Variants in ARK2C observed in about 807,000 individuals in gnomAD.
The protein encoded by ARK2C is E3 ubiquitin-protein ligase ARK2C.
chr18:46,345,831 C>T, the ARK2C span, among the ~76,000 whole-genome samples: 1 of 152,204 alleles, frequency 6.6e-6, no homozygotes, highest in African/African-American at 2.4e-5. Flanking sequence ...TGGCTATACA[C>T]TCCTCTGGCA....
At chr18:46,396,756 T>C in the ARK2C span, among the ~76,000 whole-genome samples, 1 of 152,284 alleles carries the variant, frequency 6.6e-6, no homozygotes, top group African/African-American at 2.4e-5. Context: ...GCAGCCTTCA[T>C]GGTGCTGGCC....
chr18:46,369,333 G>C, the ARK2C span, among the ~76,000 whole-genome samples: 149 of 151,962 alleles, frequency 9.8e-4, no homozygotes, highest in African/African-American at 3.5e-3. Flanking sequence ...GAAGCAGGGG[G>C]ATAAGGCTGA....
At chr18:46,340,456 G>A in the ARK2C span, among the ~76,000 whole-genome samples, 2 of 152,106 alleles carry the variant, frequency 1.3e-5, no homozygotes, top group African/African-American at 4.8e-5. Context: ...TGCGCTAAGG[G>A]GGATACAGAA....
the ARK2C span, among the ~76,000 whole-genome samples, chr18:46,352,714 C>A: frequency 6.6e-6 from 1 of 152,176 alleles, no homozygotes; most frequent in Non-Finnish European, 1.5e-5. Flanking sequence ...AAGCCACCCC[C>A]ACTCACACCC....
the ARK2C span, among the ~76,000 whole-genome samples, chr18:46,353,534 C>T: frequency 4.6e-5 from 7 of 152,208 alleles, no homozygotes; most frequent in Non-Finnish European, 8.8e-5. Context: ...GCTCCCCGTC[C>T]GCTACCCCAC....
the ARK2C span, chr18:46,336,474 G>T: frequency 1.0e-6 from 1 of 985,434 alleles, no homozygotes; most frequent in Non-Finnish European, 1.2e-6. Flanking sequence ...GGGCTGAGGG[G>T]TGAGTTGGTC....
the ARK2C span, chr18:46,455,947 G>A: frequency 1.4e-6 from 2 of 1,479,630 alleles, no homozygotes; most frequent in Admixed American, 1.7e-5. Flanking sequence ...CCCAGGTAAT[G>A]AATACTACTC....
At chr18:46,429,318 T>C in the ARK2C span, among the ~76,000 whole-genome samples, 1 of 152,226 alleles carries the variant, frequency 6.6e-6, no homozygotes, top group Non-Finnish European at 1.5e-5. Context: ...TAAGACACAT[T>C]GAGCCAAGCA....
At chr18:46,362,354 C>T in the ARK2C span, among the ~76,000 whole-genome samples, 4 of 152,184 alleles carry the variant, frequency 2.6e-5, no homozygotes, top group Non-Finnish European at 5.9e-5. Context: ...TGTTTCAGGA[C>T]ACCCCTAAAA....
chr18:46,374,797 C>A, the ARK2C span, among the ~76,000 whole-genome samples: 2 of 152,200 alleles, frequency 1.3e-5, no homozygotes, highest in Admixed American at 6.5e-5. Context: ...ACACCCCAAG[C>A]CTGGCATTCC....
the ARK2C span, among the ~76,000 whole-genome samples, chr18:46,361,403 A>G: frequency 1.3e-5 from 2 of 152,188 alleles, no homozygotes; most frequent in Non-Finnish European, 2.9e-5. Flanking sequence ...GATCTGCTGT[A>G]CATATGCAGC....
the ARK2C span, among the ~76,000 whole-genome samples, chr18:46,346,142 G>A: frequency 6.6e-6 from 1 of 152,156 alleles, no homozygotes; most frequent in Non-Finnish European, 1.5e-5. Flanking sequence ...AGAAGGGATG[G>A]CATTTCAACA....
At chr18:46,410,217 T>G in the ARK2C span, among the ~76,000 whole-genome samples, 1 of 152,238 alleles carries the variant, frequency 6.6e-6, no homozygotes, top group Non-Finnish European at 1.5e-5. Context: ...TAGCCAAGCT[T>G]GGCTTCTTGC....
At chr18:46,350,508 G>T in the ARK2C span, among the ~76,000 whole-genome samples, 1 of 152,294 alleles carries the variant, frequency 6.6e-6, no homozygotes, top group South Asian at 2.1e-4. Flanking sequence ...GTGTCAAGAG[G>T]GGCAAGCATG....
chr18:46,357,428 G>A, the ARK2C span, among the ~76,000 whole-genome samples: 1 of 152,226 alleles, frequency 6.6e-6, no homozygotes, highest in Non-Finnish European at 1.5e-5. Flanking sequence ...AAAGTGCTGA[G>A]GATCAGAAAT....
the ARK2C span, among the ~76,000 whole-genome samples, chr18:46,453,112 T>C: frequency 6.6e-6 from 1 of 152,214 alleles, no homozygotes; most frequent in African/African-American, 2.4e-5. Context: ...TGAATCAGTA[T>C]AGGCAGCTCC....
chr18:46,373,126 C>T, the ARK2C span, among the ~76,000 whole-genome samples: 8 of 152,242 alleles, frequency 5.3e-5, no homozygotes, highest in Non-Finnish European at 1.0e-4. Context: ...TCTCTCATCC[C>T]TCTCATCACA....
At chr18:46,379,604 C>G in the ARK2C span, among the ~76,000 whole-genome samples, 1 of 152,244 alleles carries the variant, frequency 6.6e-6, no homozygotes, top group African/African-American at 2.4e-5. Context: ...GGCAAAGTCG[C>G]TCTTTGAAGC....
the ARK2C span, chr18:46,459,125 G>A: frequency 6.6e-6 from 1 of 152,228 alleles, no homozygotes; most frequent in Admixed American, 6.5e-5. Context: ...TCCTCTCTTA[G>A]TCTCAGTCTT....
Sources: allele counts gnomAD v4.1 joint callset (sites outside exome capture counted in the v4.1 genomes callset), GRCh38; gene constraint gnomAD v4.1.1; transcripts MANE v1.5; gene names NCBI Gene and HGNC (gene_info 2026-07-23, HGNC 2026-07-21).